Variants in ASTN2 observed in about 807,000 individuals in gnomAD.
ASTN2 encodes astrotactin 2.
In ASTN2, 54 loss-of-function variants were observed where a neutral mutation model predicts 139.8. The ratio of observed to expected loss-of-function variants is 0.39; its 90% confidence interval spans 0.31 to 0.48. The LOEUF (loss-of-function observed/expected upper bound fraction) is 0.48. Ranked by LOEUF, ASTN2 falls within the 20% of genes least tolerant of loss-of-function variation. The pLI, the probability that ASTN2 is intolerant of heterozygous loss-of-function variation, is 0.95. For missense variants in ASTN2, 1,565 were observed against 1,725.1 expected, an observed-to-expected ratio of 0.91 and a Z score of 1.64; for synonymous variants, 756 against 719.5, an observed-to-expected ratio of 1.05 and a Z score of -0.81.
chr9:116,430,742 T>C (rs905555490), intron 22 of ASTN2, among the ~76,000 whole-genome samples: 16 of 152,196 alleles, frequency 1.1e-4, no homozygotes, highest in African/African-American at 3.6e-4. Context: ...GAACCAATGT[T>C]TGCATTTAGA....
At position 117,414,386 on chromosome 9, in the gene ASTN2, C is replaced by A; in HGVS notation, c.442+111G>T. On this transcript the variant is annotated intron_variant, in intron 1 of 22. Transcript: ENST00000313400. This position sits in a 1 kb window ranked among gnomAD's most constrained non-coding sequence, Gnocchi z 4.2. ...GGCCCCTCCTCTACCCTCTGCCAAC[C>A]CCACTCGGGGCAGCCCCGGGCAGGG... 1 of 1,504,372 alleles carries A rather than the reference C, an allele frequency of 6.6e-7. No homozygotes were observed. Among genetic ancestry groups the A allele is most frequent in the Non-Finnish European group, 8.9e-7 (1 of 1,126,654 alleles). The allele number at this position is 1,504,372 out of a possible 1,614,324, so 93.2% of individuals were successfully genotyped here.
chr9:116,473,302 A>C (rs1357983693), intron 20 of ASTN2, among the ~76,000 whole-genome samples: 2 of 152,236 alleles, frequency 1.3e-5, no homozygotes, highest in Non-Finnish European at 1.5e-5. Flanking sequence ...TTATGGATTT[A>C]CAGGTAACTA....
intron 19 of ASTN2, among the ~76,000 whole-genome samples, chr9:116,534,866 G>A (rs1270363261): frequency 6.6e-6 from 1 of 152,192 alleles, no homozygotes; most frequent in Admixed American, 6.5e-5. Context: ...TTTTGTAGAT[G>A]TCTATTAGGT....
chr9:116,863,009 C>T (rs890552946), intron 11 of ASTN2, among the ~76,000 whole-genome samples: 12 of 152,130 alleles, frequency 7.9e-5, no homozygotes, highest in Non-Finnish European at 1.6e-4. Flanking sequence ...CCTTGTCCCA[C>T]GCTAGATACT....
chr9:117,102,787 G>A (rs577518607), intron 4 of ASTN2, among the ~76,000 whole-genome samples: 57 of 152,092 alleles, frequency 3.7e-4, no homozygotes, highest in Admixed American at 8.5e-4. Flanking sequence ...CTCCCAAAGT[G>A]CTGGGATTAC....
At chr9:116,585,019 G>A (rs1449297127) in intron 19 of ASTN2, 1 of 152,208 alleles carries the variant, frequency 6.6e-6, no homozygotes, top group African/African-American at 2.4e-5. Flanking sequence ...GTGCTGAAAG[G>A]GTCAAGAAGC....
intron 5 of ASTN2, among the ~76,000 whole-genome samples, chr9:117,059,948 G>T (rs1342384741): frequency 6.6e-6 from 1 of 152,142 alleles, no homozygotes; most frequent in Non-Finnish European, 1.5e-5. Flanking sequence ...ACTCCAGCTG[G>T]CTCACAAGAT....
intron 1 of ASTN2, among the ~76,000 whole-genome samples, chr9:117,310,876 G>T (rs1024855731): frequency 6.6e-6 from 1 of 152,132 alleles, no homozygotes; most frequent in Non-Finnish European, 1.5e-5. Flanking sequence ...TTCCCGCCTT[G>T]GTTTCCCAAA....
chr9:116,930,080 T>C (rs1352232981), intron 10 of ASTN2, among the ~76,000 whole-genome samples: 3 of 152,136 alleles, frequency 2.0e-5, no homozygotes, highest in Non-Finnish European at 4.4e-5. Context: ...ACTTCCCAAT[T>C]GCTAAAGCAA....
chr9:116,663,446 C>T (rs1309342514), intron 16 of ASTN2, among the ~76,000 whole-genome samples: 1 of 152,132 alleles, frequency 6.6e-6, no homozygotes, highest in Non-Finnish European at 1.5e-5. Flanking sequence ...CCTGGGGGTT[C>T]ACAGTCTTGC....
intron 1 of ASTN2, among the ~76,000 whole-genome samples, chr9:117,408,049 C>T (rs1041076999): frequency 2.6e-5 from 4 of 152,182 alleles, no homozygotes; most frequent in East Asian, 1.9e-4. Context: ...CAGAACAAAA[C>T]CCATCAGCCC....
intron 1 of ASTN2, among the ~76,000 whole-genome samples, chr9:117,387,385 C>T (rs993345610): frequency 6.6e-6 from 1 of 152,046 alleles, no homozygotes; most frequent in African/African-American, 2.4e-5. Flanking sequence ...TGATTAAGTG[C>T]TGCCAATAGC....
chr9:116,999,289 G>A (rs115773779), intron 7 of ASTN2, among the ~76,000 whole-genome samples: 1,996 of 152,114 alleles, frequency 0.013, 55 homozygotes, highest in African/African-American at 0.046. Context: ...ACTAATTTAC[G>A]GTGTGACACA....
intron 13 of ASTN2, among the ~76,000 whole-genome samples, chr9:116,753,144 T>A (rs1460366601): frequency 6.6e-6 from 1 of 152,132 alleles, no homozygotes; most frequent in African/African-American, 2.4e-5. Flanking sequence ...TAAACAAACA[T>A]CCATATAATG....
chr9:117,365,000 A>ACACACACACACACAC (rs1564167766), intron 1 of ASTN2, among the ~76,000 whole-genome samples: 4 of 96,228 alleles, frequency 4.2e-5, no homozygotes, highest in African/African-American at 1.4e-4. Context: ...CACACACACA[A>ACACACACACACACAC]AATCAGCCAT....
intron 1 of ASTN2, among the ~76,000 whole-genome samples, chr9:117,356,064 T>A (rs1829531720): frequency 6.6e-6 from 1 of 152,120 alleles, no homozygotes; most frequent in Non-Finnish European, 1.5e-5. Flanking sequence ...CAAACCCTAC[T>A]GAATTCATTG....
intron 3 of ASTN2, among the ~76,000 whole-genome samples, chr9:117,157,083 A>C (rs1363649742): frequency 6.6e-6 from 1 of 152,026 alleles, no homozygotes; most frequent in Non-Finnish European, 1.5e-5. Flanking sequence ...GAAAGCTGAG[A>C]TACAATAGCA....
intron 10 of ASTN2, among the ~76,000 whole-genome samples, chr9:116,905,889 C>T (rs1001938260): frequency 2.0e-5 from 3 of 147,916 alleles, no homozygotes; most frequent in African/African-American, 7.6e-5. Context: ...GGGGGGTGTG[C>T]CGTTTAAGAG....
At chr9:117,332,920 G>A (rs1326523248) in intron 1 of ASTN2, among the ~76,000 whole-genome samples, 1 of 152,168 alleles carries the variant, frequency 6.6e-6, no homozygotes, top group Non-Finnish European at 1.5e-5. Context: ...TGTATTATAT[G>A]ATTCCATTTG....
Sources: gnomAD v4.1 joint callset for allele counts (sites outside exome capture counted in the v4.1 genomes callset) on GRCh38, gnomAD v4.1.1 for gene constraint, Gnocchi (gnomAD v3.1) non-coding constraint, MANE v1.5 for transcripts, NCBI Gene and HGNC (gene_info 2026-07-23, HGNC 2026-07-21) for gene names.